Variants in ERBB4 observed in about 807,000 individuals in gnomAD.
The protein encoded by ERBB4 is erb-b2 receptor tyrosine kinase 4.
In ERBB4, 42 loss-of-function variants were observed where a neutral mutation model predicts 158.0. The ratio of observed to expected loss-of-function variants is 0.27; its 90% confidence interval spans 0.21 to 0.34. The LOEUF is 0.34. Ranked by LOEUF, ERBB4 falls within the 10% of genes least tolerant of loss-of-function variation. The probability of loss-of-function intolerance (pLI) is 1.00; values close to 1 mark genes in which losing one functional copy is unlikely to be tolerated. For synonymous variants in ERBB4, 583 were observed against 558.7 expected (o/e 1.04, Z -0.61); for missense variants, 1,333 against 1,624.1 (o/e 0.82, Z 3.08).
At chr2:211,703,199 C>A (rs756479351) in intron 11 of ERBB4, among the ~76,000 whole-genome samples, 10 of 152,074 alleles carry the variant, frequency 6.6e-5, no homozygotes, top group Non-Finnish European at 1.5e-4. Context: ...TTGTCCCCAT[C>A]ATAACTATCT....
intron 2 of ERBB4, among the ~76,000 whole-genome samples, chr2:211,996,406 T>A (rs1354409724): frequency 6.6e-6 from 1 of 152,122 alleles, no homozygotes; most frequent in Non-Finnish European, 1.5e-5. Context: ...AAATTTTGAA[T>A]TTCCATCCTA....
rs375903953 is a variant in ERBB4, at chr2:211,915,297, C to T, written c.421+32133G>A. On this transcript the variant is annotated intron_variant, in intron 3 of 27. Transcript: ENST00000342788. ...TGATTTATTTTTCCAACTCAAATTG[C>T]ACCACTTTCCCACAGCAATCATTTA... Among the ~76,000 whole-genome samples the T allele has an allele frequency of 2.6e-5, 4 of 152,154 alleles. No homozygotes were observed. In the East Asian group the frequency reaches 5.8e-4, roughly 22 times the overall value.
At chr2:211,797,147 A>ACCAG in intron 3 of ERBB4, among the ~76,000 whole-genome samples, 2 of 151,966 alleles carry the variant, frequency 1.3e-5, no homozygotes, top group South Asian at 4.1e-4. Flanking sequence ...TCCTATATCC[A>ACCAG]CCAGAAAGCC....
At chr2:212,247,272 T>C (rs957813348) in intron 1 of ERBB4, among the ~76,000 whole-genome samples, 9 of 152,182 alleles carry the variant, frequency 5.9e-5, no homozygotes, top group East Asian at 5.8e-4. Context: ...TAAGTAGATA[T>C]AATTCTTCTG....
At chr2:211,568,721 T>C (rs1294459058) in intron 19 of ERBB4, among the ~76,000 whole-genome samples, 1 of 152,074 alleles carries the variant, frequency 6.6e-6, no homozygotes, top group Non-Finnish European at 1.5e-5. Flanking sequence ...AATGTAGACA[T>C]ATAAAACTAC....
At chr2:212,235,759 GCTCT>G (rs2083845647) in intron 1 of ERBB4, among the ~76,000 whole-genome samples, 1 of 151,968 alleles carries the variant, frequency 6.6e-6, no homozygotes, top group Non-Finnish European at 1.5e-5. Flanking sequence ...TCATGATTTG[GCTCT>G]CTCTTTGTCT....
chr2:212,230,890 T>C (rs942548042), intron 1 of ERBB4, among the ~76,000 whole-genome samples: 3 of 152,204 alleles, frequency 2.0e-5, no homozygotes, highest in Non-Finnish European at 2.9e-5. Context: ...GTACTTATTA[T>C]GGAACTTTTA....
At chr2:212,388,987 T>C (rs940262704) in intron 1 of ERBB4, among the ~76,000 whole-genome samples, 2 of 152,148 alleles carry the variant, frequency 1.3e-5, no homozygotes, top group Non-Finnish European at 2.9e-5. Flanking sequence ...AATTTGTACC[T>C]GCTTTACAAG....
chr2:211,587,801 A>G (rs888946310), intron 19 of ERBB4, among the ~76,000 whole-genome samples: 1 of 152,196 alleles, frequency 6.6e-6, no homozygotes, highest in Non-Finnish European at 1.5e-5. Context: ...ATGAAAGGTA[A>G]CCTCGTATTA....
chr2:212,503,180 T>A (rs1387394965), intron 1 of ERBB4, among the ~76,000 whole-genome samples: 3 of 152,234 alleles, frequency 2.0e-5, no homozygotes, highest in Non-Finnish European at 4.4e-5. Context: ...AATAAACTCT[T>A]ACTGGGTTAA....
rs975117024 is a variant in ERBB4 at position 211,383,478 on chromosome 2, C to T, written c.*137G>A. The T allele has an allele frequency of 2.8e-6, 2 of 707,022 alleles. No individual in the cohort carries two copies. Among genetic ancestry groups the T allele is most frequent in the Non-Finnish European group, 5.0e-6 (2 of 398,460 alleles). The allele number at this position is 707,022 out of a possible 1,614,324, so 43.8% of individuals were successfully genotyped here. A position where few individuals can be genotyped will look rare whatever the true frequency, so the allele number is the denominator to read the frequency against. On this transcript the variant is annotated 3_prime_UTR_variant, in exon 28 of 28. Coordinates refer to ENST00000342788, the MANE Select transcript of ERBB4 (RefSeq NM_005235.3). ...TCAAGTTAGGTAAGCACATAACTAT[C>T]ATTGCATCTCTGTATCTTCCACTGG...
At chr2:211,632,388 T>G (rs541817646) in intron 16 of ERBB4, among the ~76,000 whole-genome samples, 23 of 152,090 alleles carry the variant, frequency 1.5e-4, no homozygotes, top group African/African-American at 5.1e-4. Context: ...GTCACTGTTA[T>G]TGAAAGGGTC....
At chr2:212,497,159 C>T (rs1414717250) in intron 1 of ERBB4, among the ~76,000 whole-genome samples, 1 of 113,336 alleles carries the variant, frequency 8.8e-6, no homozygotes, top group Non-Finnish European at 1.9e-5. Flanking sequence ...GCCTGGGTGA[C>T]AAGAGCAAAA....
chr2:212,104,343 T>C (rs1339936862), intron 2 of ERBB4, among the ~76,000 whole-genome samples: 2 of 152,122 alleles, frequency 1.3e-5, no homozygotes, highest in Non-Finnish European at 2.9e-5. Flanking sequence ...TTGGCATATA[T>C]GTCCTTGTGG....
intron 5 of ERBB4, among the ~76,000 whole-genome samples, chr2:211,731,735 C>T: frequency 6.6e-6 from 1 of 152,060 alleles, no homozygotes; most frequent in Admixed American, 6.5e-5. Flanking sequence ...AGAAAGCTAT[C>T]ATCAACAGGA....
intron 2 of ERBB4, among the ~76,000 whole-genome samples, chr2:212,047,880 A>C (rs1458598742): frequency 1.3e-5 from 2 of 152,176 alleles, no homozygotes; most frequent in African/African-American, 2.4e-5. Flanking sequence ...TAGAGATAAT[A>C]ATCAGACAGT....
chr2:212,272,257 A>G (rs1290146516), intron 1 of ERBB4, among the ~76,000 whole-genome samples: 1 of 151,820 alleles, frequency 6.6e-6, no homozygotes, highest in Non-Finnish European at 1.5e-5. Flanking sequence ...TATATGGATC[A>G]TTTTAAAATA....
chr2:211,809,955 G>T (rs1392241554), intron 3 of ERBB4, among the ~76,000 whole-genome samples: 1 of 152,164 alleles, frequency 6.6e-6, no homozygotes, highest in Non-Finnish European at 1.5e-5. Flanking sequence ...TTACCCAGTA[G>T]TCATTCAGGA....
At chr2:212,388,554 A>G (rs1380907971) in intron 1 of ERBB4, among the ~76,000 whole-genome samples, 3 of 152,086 alleles carry the variant, frequency 2.0e-5, no homozygotes, top group African/African-American at 7.2e-5. Context: ...ACTAGGGTTA[A>G]AGAAGTCACG....
Sources: allele counts gnomAD v4.1 joint callset (sites outside exome capture counted in the v4.1 genomes callset), GRCh38; gene constraint gnomAD v4.1.1; transcripts MANE v1.5; gene names NCBI Gene and HGNC (gene_info 2026-07-23, HGNC 2026-07-21).